Variants in SPATA13 observed in about 807,000 individuals in gnomAD.
The protein encoded by SPATA13 is spermatogenesis-associated protein 13.
Under a neutral mutation model 104.0 loss-of-function variants are expected in SPATA13, and 50 were observed. The observed-to-expected ratio is 0.48, with a 90% confidence interval of 0.38 to 0.61. The LOEUF is 0.61. SPATA13 is among the 20% of genes least tolerant of loss of function. The probability of loss-of-function intolerance (pLI) is 0.00; values close to 1 mark genes in which losing one functional copy is unlikely to be tolerated. For synonymous variants in SPATA13, 606 were observed against 667.5 expected, an observed-to-expected ratio of 0.91 and a Z score of 1.42; for missense variants, 1,524 against 1,690.6, an observed-to-expected ratio of 0.90 and a Z score of 1.73.
chr13:24,244,951 C>T (rs1873035731), intron 2 of SPATA13, among the ~76,000 whole-genome samples: 3 of 152,190 alleles, frequency 2.0e-5, no homozygotes, highest in Admixed American at 2.0e-4. Flanking sequence ...TGACTTGGGT[C>T]TGAATTGCCC....
chr13:24,072,706 C>T (rs1354873152), intron 3 of SPATA13, among the ~76,000 whole-genome samples: 1 of 151,968 alleles, frequency 6.6e-6, no homozygotes, highest in African/African-American at 2.4e-5. Flanking sequence ...TGATTTTCCT[C>T]TTCAATCTCA....
chr13:23,980,348 G>C (rs556347413), intron 1 of SPATA13, among the ~76,000 whole-genome samples: 2 of 152,212 alleles, frequency 1.3e-5, no homozygotes, highest in Non-Finnish European at 2.9e-5. Flanking sequence ...GCCGGGCGAC[G>C]GAGGAGCCGC....
chr13:24,294,364 A>G (rs932118239), intron 9 of SPATA13, among the ~76,000 whole-genome samples: 2 of 152,250 alleles, frequency 1.3e-5, no homozygotes, highest in African/African-American at 4.8e-5. Context: ...TACTTTATGT[A>G]GCAAGAGTGG....
intron 1 of SPATA13, among the ~76,000 whole-genome samples, chr13:24,162,029 C>G (rs1441261567): frequency 3.3e-5 from 5 of 152,160 alleles, no homozygotes; most frequent in African/African-American, 1.2e-4. Flanking sequence ...TCCCCCTCCC[C>G]CGTCTTGCAA....
intron 3 of SPATA13, among the ~76,000 whole-genome samples, chr13:24,093,924 A>G (rs375710923): frequency 6.7e-6 from 1 of 149,088 alleles, no homozygotes; most frequent in East Asian, 1.9e-4. Flanking sequence ...TAATCAGACT[A>G]TATACCTCAG....
In SPATA13 at chr13:24,161,776, A is replaced by G. The variant is rs1237547426; in HGVS notation, c.-112+844A>G. Among the ~76,000 whole-genome samples the G allele has an allele frequency of 6.6e-6, 1 of 152,124 alleles. No homozygotes were observed. The highest frequency in any genetic ancestry group is 2.4e-5 in the African/African-American group (1 of 41,432). ...CATAGGGATGTGGATAAATAGAATAATACTGTGAATTTATTCAGCTCTTGT... is the reference window on the plus strand; with the variant it reads ...CATAGGGATGTGGATAAATAGAATAGTACTGTGAATTTATTCAGCTCTTGT... On this transcript the variant is annotated intron_variant, in intron 1 of 12. Transcript: ENST00000382108. This position sits in a 1 kb window ranked among gnomAD's most constrained non-coding sequence, Gnocchi z 4.5.
At chr13:24,072,761 G>A (rs1338765204) in intron 3 of SPATA13, among the ~76,000 whole-genome samples, 3 of 149,766 alleles carry the variant, frequency 2.0e-5, no homozygotes, top group Non-Finnish European at 3.0e-5. Context: ...CTCCTCCCTC[G>A]GCATCGCTTT....
At chr13:24,115,725 C>T (rs757533462) in intron 3 of SPATA13, among the ~76,000 whole-genome samples, 69 of 152,208 alleles carry the variant, frequency 4.5e-4, no homozygotes, top group African/African-American at 1.6e-3. Flanking sequence ...TGTGTGCTTC[C>T]GGTTCCAGAT....
rs376778076 is a variant in SPATA13 at position 24,018,622 on chromosome 13, G to A, written c.-112+921G>A. Among the ~76,000 whole-genome samples the A allele has an allele frequency of 1.1e-4, 16 of 152,320 alleles. No homozygotes were observed. In the South Asian group the frequency reaches 1.4e-3, roughly 14 times the overall value. On this transcript the variant is annotated intron_variant, in intron 3 of 14. Coordinates refer to the SPATA13 transcript ENST00000424834. Reference sequence around the variant, plus strand: ...GATGACACAGAGGCACAGCTAATTGGCGAGGTGAGCGCTGCTTGTTTGATG... The same window carrying A: ...GATGACACAGAGGCACAGCTAATTGACGAGGTGAGCGCTGCTTGTTTGATG...
chr13:24,028,836 A>G (rs1315691033), intron 3 of SPATA13, among the ~76,000 whole-genome samples: 2 of 152,056 alleles, frequency 1.3e-5, no homozygotes, highest in African/African-American at 2.4e-5. Context: ...ATATTTCTCT[A>G]TTTTAAAGAT....
At chr13:24,127,829 A>C (rs1392947059) in intron 3 of SPATA13, among the ~76,000 whole-genome samples, 10 of 152,282 alleles carry the variant, frequency 6.6e-5, no homozygotes, top group Admixed American at 2.0e-4. Flanking sequence ...AGCAAGGAAT[A>C]AAAACAAGAC....
intron 4 of SPATA13, chr13:24,270,802 G>C: frequency 6.2e-7 from 1 of 1,611,984 alleles, no homozygotes; most frequent in Admixed American, 1.7e-5. Context: ...TTGGGGACCG[G>C]CTCCTCGGTC....
At chr13:24,092,295 A>G (rs890418534) in intron 3 of SPATA13, among the ~76,000 whole-genome samples, 4 of 152,240 alleles carry the variant, frequency 2.6e-5, no homozygotes, top group African/African-American at 9.6e-5. Context: ...CTCTCTAAGG[A>G]AGACAATTTT....
At chr13:24,160,473 A>T (rs1593367853), upstream of SPATA13, among the ~76,000 whole-genome samples, 1 of 151,772 alleles carries the variant, frequency 6.6e-6, no homozygotes, top group Non-Finnish European at 1.5e-5. Context: ...CAAATTCCTG[A>T]CCTCAGGTGA....
chr13:24,110,516 A>C (rs542518509), intron 3 of SPATA13, among the ~76,000 whole-genome samples: 3 of 152,332 alleles, frequency 2.0e-5, no homozygotes, highest in East Asian at 1.9e-4. Context: ...TTGAATCTGC[A>C]TCAGCCCCCA....
chr13:24,076,100 G>A (rs1879316150), intron 3 of SPATA13, among the ~76,000 whole-genome samples: 1 of 152,140 alleles, frequency 6.6e-6, no homozygotes, highest in South Asian at 2.1e-4. Flanking sequence ...AGAGAAAAGA[G>A]GACTTTGAAA....
chr13:24,258,046 A>G (rs917364174), intron 4 of SPATA13, among the ~76,000 whole-genome samples: 22 of 152,294 alleles, frequency 1.4e-4, no homozygotes, highest in African/African-American at 5.1e-4. Context: ...CCTAACCAAC[A>G]TGGTGAAACC....
chr13:24,098,846 G>C (rs1032644490), intron 3 of SPATA13, among the ~76,000 whole-genome samples: 1 of 150,722 alleles, frequency 6.6e-6, no homozygotes, highest in Non-Finnish European at 1.5e-5. Flanking sequence ...AGAATTGCTT[G>C]AGCCCAGGAG....
In SPATA13 at chr13:24,161,054, G is replaced by A; in HGVS notation, c.-112+122G>A. On this transcript the variant is annotated intron_variant, in intron 1 of 12. Transcript: ENST00000382108. This position sits in a 1 kb window ranked among gnomAD's most constrained non-coding sequence, Gnocchi z 4.5. ...GGGGCTTCGGGATGTCCAGCTCCCA[G>A]CTGCTTGGCCTCTGCTTCCCCCGCC... The A allele has an allele frequency of 1.7e-6, 1 of 587,490 alleles. No individual in the cohort carries two copies. Among genetic ancestry groups the A allele is most frequent in the Non-Finnish European group, 2.1e-6 (1 of 465,774 alleles). The allele number at this position is 587,490 out of a possible 1,614,324, so 36.4% of individuals were successfully genotyped here. A position where few individuals can be genotyped will look rare whatever the true frequency, so the allele number is the denominator to read the frequency against.
Sources: gnomAD v4.1 joint callset for allele counts (sites outside exome capture counted in the v4.1 genomes callset) on GRCh38, gnomAD v4.1.1 for gene constraint, Gnocchi (gnomAD v3.1) non-coding constraint, MANE v1.5 for transcripts, NCBI Gene and HGNC (gene_info 2026-07-23, HGNC 2026-07-21) for gene names.